The following HPSE2 variants were observed in gnomAD, a reference collection of about 807,000 sequenced individuals.
HPSE2 encodes inactive heparanase-2.
HPSE2 carries 38 observed loss-of-function variants against 60.5 expected under a neutral mutation model. The observed-to-expected ratio is 0.63, with a 90% CI of 0.48 to 0.82. The LOEUF (loss-of-function observed/expected upper bound fraction) is 0.82, where lower values mean the gene tolerates loss of function less well. HPSE2 is among the 40% of genes least tolerant of loss of function. The pLI is 0.00. For missense variants in HPSE2, 713 were observed against 740.4 expected (o/e 0.96, Z 0.43); for synonymous variants, 295 against 293.2 (o/e 1.01, Z -0.06).
intron 2 of HPSE2, among the ~76,000 whole-genome samples, chr10:99,151,969 G>C (rs1429176972): frequency 1.3e-5 from 2 of 151,480 alleles, no homozygotes; most frequent in East Asian, 3.9e-4. Flanking sequence ...TCTATGTTCA[G>C]CAAAACTATC....
At chr10:98,970,959 G>A (rs1955937456) in intron 3 of HPSE2, among the ~76,000 whole-genome samples, 1 of 152,144 alleles carries the variant, frequency 6.6e-6, no homozygotes, top group Non-Finnish European at 1.5e-5. Context: ...AATCATGTAA[G>A]CAATTAAATC....
intron 2 of HPSE2, among the ~76,000 whole-genome samples, chr10:99,175,447 AC>A (rs2133813991): frequency 6.6e-6 from 1 of 152,304 alleles, no homozygotes; most frequent in African/African-American, 2.4e-5. Context: ...AGGGGTGTCC[AC>A]CACTACTGAG....
rs1847362828 is a variant in HPSE2, at chr10:99,172,729, T to G, written c.449-28330A>C. Among the ~76,000 whole-genome samples the G allele has an allele frequency of 3.9e-5, 6 of 152,068 alleles. No homozygotes were observed. In the South Asian group the frequency reaches 1.2e-3, roughly 32 times the overall value. ...CCTGTCTCTACTAAAAATACAAAAA[T>G]TAGCCAGGTGTGGTGGCGCATGCTT... On this transcript the variant is annotated intron_variant, in intron 2 of 11. Transcript: ENST00000370552.
intron 3 of HPSE2, among the ~76,000 whole-genome samples, chr10:99,138,659 G>A (rs757375229): frequency 9.2e-5 from 14 of 152,060 alleles, no homozygotes; most frequent in African/African-American, 1.7e-4. Context: ...ACCAAACACC[G>A]CATGTTCTCA....
At chr10:98,669,432 T>C (rs1465198236) in intron 6 of HPSE2, among the ~76,000 whole-genome samples, 1 of 152,238 alleles carries the variant, frequency 6.6e-6, no homozygotes, top group African/African-American at 2.4e-5. Flanking sequence ...ACACATGCAC[T>C]TCTATGTTCA....
chr10:98,883,786 A>G (rs969334425), intron 3 of HPSE2, among the ~76,000 whole-genome samples: 2 of 152,148 alleles, frequency 1.3e-5, no homozygotes, highest in African/African-American at 4.8e-5. Context: ...CCTGGGAGAC[A>G]CAGCAAGACA....
At chr10:99,188,288 G>A (rs1209251835) in intron 2 of HPSE2, among the ~76,000 whole-genome samples, 1 of 152,134 alleles carries the variant, frequency 6.6e-6, no homozygotes, top group Non-Finnish European at 1.5e-5. Flanking sequence ...TGGGGTGAAG[G>A]GTTGACTGTA....
At chr10:99,129,198 A>G (rs921477511) in intron 3 of HPSE2, among the ~76,000 whole-genome samples, 2 of 152,196 alleles carry the variant, frequency 1.3e-5, no homozygotes, top group African/African-American at 4.8e-5. Context: ...GGGGACTTCA[A>G]TATTTCACTG....
intron 3 of HPSE2, among the ~76,000 whole-genome samples, chr10:99,142,620 T>C (rs1311230091): frequency 6.6e-6 from 1 of 152,194 alleles, no homozygotes; most frequent in Non-Finnish European, 1.5e-5. Flanking sequence ...CTAGGGTAAG[T>C]TTGTTTAGTA....
At chr10:98,658,800 C>T (rs1947145810) in intron 6 of HPSE2, among the ~76,000 whole-genome samples, 2 of 151,902 alleles carry the variant, frequency 1.3e-5, no homozygotes, top group Non-Finnish European at 2.9e-5. Flanking sequence ...ATTATTGGGC[C>T]AGAAGATAAT....
intron 3 of HPSE2, among the ~76,000 whole-genome samples, chr10:99,100,839 A>C (rs1843940225): frequency 6.6e-6 from 1 of 152,218 alleles, no homozygotes; most frequent in South Asian, 2.1e-4. Flanking sequence ...GCCAATATTC[A>C]ACATTCTTAA....
chr10:98,765,821 T>A (rs773102723), intron 3 of HPSE2, among the ~76,000 whole-genome samples: 15 of 151,958 alleles, frequency 9.9e-5, no homozygotes, highest in Non-Finnish European at 1.9e-4. Context: ...CCAGCCTGGG[T>A]GACAGAGCAA....
At chr10:98,546,573 A>G (rs1238540328) in intron 9 of HPSE2, among the ~76,000 whole-genome samples, 4 of 152,088 alleles carry the variant, frequency 2.6e-5, no homozygotes, top group African/African-American at 4.8e-5. Context: ...CTATTTAATA[A>G]ATGGTGCTGG....
At chr10:98,709,451 A>G (rs907646616) in intron 5 of HPSE2, among the ~76,000 whole-genome samples, 1 of 152,194 alleles carries the variant, frequency 6.6e-6, no homozygotes, top group African/African-American at 2.4e-5. Flanking sequence ...TAGCTGAATT[A>G]TGGTGACAGA....
intron 9 of HPSE2, among the ~76,000 whole-genome samples, chr10:98,545,866 C>G (rs1358052454): frequency 6.6e-6 from 1 of 150,526 alleles, no homozygotes. Context: ...TCAAACTGTC[C>G]CTGTTTACAG....
At chr10:98,767,055 C>A (rs1950135331) in intron 3 of HPSE2, among the ~76,000 whole-genome samples, 1 of 152,152 alleles carries the variant, frequency 6.6e-6, no homozygotes, top group Admixed American at 6.6e-5. Context: ...CAAAATTCAA[C>A]ATTAATTCAT....
At chr10:99,278,579 T>C in the HPSE2 span, among the ~76,000 whole-genome samples, 1 of 152,166 alleles carries the variant, frequency 6.6e-6, no homozygotes, top group African/African-American at 2.4e-5. Flanking sequence ...GGCTGAGAAA[T>C]ACATAATTTT....
intron 3 of HPSE2, among the ~76,000 whole-genome samples, chr10:98,881,330 G>C (rs1434469211): frequency 6.6e-6 from 1 of 152,038 alleles, no homozygotes; most frequent in East Asian, 1.9e-4. Context: ...ATACATTTCA[G>C]TCAATGACAT....
intron 3 of HPSE2, among the ~76,000 whole-genome samples, chr10:99,031,590 A>G (rs942587702): frequency 1.3e-5 from 2 of 152,210 alleles, no homozygotes; most frequent in Admixed American, 1.3e-4. Flanking sequence ...TGGATTTTTA[A>G]AATGCTTGAA....
Sources: allele counts gnomAD v4.1 joint callset (sites outside exome capture counted in the v4.1 genomes callset), GRCh38; gene constraint gnomAD v4.1.1; transcripts MANE v1.5; gene names NCBI Gene and HGNC (gene_info 2026-07-23, HGNC 2026-07-21).